The following THSD4 variants were observed in gnomAD, a reference collection of about 807,000 sequenced individuals.
THSD4 encodes thrombospondin type 1 domain containing 4.
In THSD4, 69 loss-of-function variants were observed where a neutral mutation model predicts 119.0. The ratio of observed to expected loss-of-function variants is 0.58; its 90% confidence interval spans 0.48 to 0.71. The LOEUF (loss-of-function observed/expected upper bound fraction) is 0.71, where lower values mean the gene tolerates loss of function less well. THSD4 is among the 30% of genes least tolerant of loss of function. The pLI, the probability that THSD4 is intolerant of heterozygous loss-of-function variation, is 0.00. For missense variants in THSD4, 1,393 were observed against 1,391.1 expected, an observed-to-expected ratio of 1.00 and a Z score of -0.02; for synonymous variants, 524 against 540.4, an observed-to-expected ratio of 0.97 and a Z score of 0.42.
At chr15:71,742,136 T>G (rs888414660) in intron 11 of THSD4, among the ~76,000 whole-genome samples, 1 of 152,242 alleles carries the variant, frequency 6.6e-6, no homozygotes, top group African/African-American at 2.4e-5. Flanking sequence ...ATTGTGTATT[T>G]TCTCACATAC....
At chr15:71,141,716 G>A (rs1259005506) in intron 2 of THSD4, among the ~76,000 whole-genome samples, 160 bp downstream of exon 2, 2 of 152,164 alleles carry the variant, frequency 1.3e-5, no homozygotes, top group African/African-American at 2.4e-5. Context: ...TATTCAGAAG[G>A]GCCTCCAAGG....
intron 3 of THSD4, 72 bp from the exon 4 acceptor site, chr15:71,214,963 A>G: frequency 8.2e-7 from 1 of 1,219,246 alleles, no homozygotes; most frequent in Non-Finnish European, 1.0e-6. Context: ...GGATAAGTCG[A>G]CCCTGCTCAA....
intron 6 of THSD4, chr15:71,341,092 C>T (rs1427378974): frequency 1.3e-5 from 15 of 1,126,274 alleles, no homozygotes; most frequent in Non-Finnish European, 1.4e-5. Context: ...TTTCTATTGT[C>T]TCTTCTGTCT....
In THSD4 at chr15:71,115,776, G is replaced by C. The variant is rs1207913090; in HGVS notation, c.-80+78G>C. 6.7e-6 allele frequency: 1 copy of C among 149,776 alleles called. No individual in the cohort carries two copies. The highest frequency in any genetic ancestry group is 1.9e-4 in the East Asian group (1 of 5,140). 9.3% of individuals were successfully genotyped at this position (149,776 alleles called of 1,614,324 possible). A position where few individuals can be genotyped will look rare whatever the true frequency, so the allele number is the denominator to read the frequency against. ...ACCCGGCTTCCGCTGCCCAGGCTCCGGCTCCCGCTCTCTGGCCGGCGGGGC... is the reference window on the plus strand; with the variant it reads ...ACCCGGCTTCCGCTGCCCAGGCTCCCGCTCCCGCTCTCTGGCCGGCGGGGC... On this transcript the variant is annotated intron_variant, in intron 1 of 17. Coordinates refer to ENST00000261862, the MANE Select transcript of THSD4 (RefSeq NM_024817.3). This position sits in a 1 kb window ranked among gnomAD's most constrained non-coding sequence, Gnocchi z 4.4.
intron 7 of THSD4, among the ~76,000 whole-genome samples, chr15:71,459,324 ATCTC>A (rs377346569): frequency 3.9e-5 from 4 of 101,276 alleles, no homozygotes; most frequent in Admixed American, 1.9e-4. Flanking sequence ...ATGCCCAACT[ATCTC>A]TCTCTCTCTG....
chr15:71,138,153 A>G (rs373326909), intron 1 of THSD4, among the ~76,000 whole-genome samples: 9 of 152,274 alleles, frequency 5.9e-5, no homozygotes, highest in Non-Finnish European at 1.2e-4. Context: ...ATAGTTCTGC[A>G]TGGCTGGGGA....
intron 7 of THSD4, among the ~76,000 whole-genome samples, chr15:71,518,705 TC>T (rs565410639): frequency 4.6e-5 from 7 of 152,166 alleles, no homozygotes; most frequent in Admixed American, 1.3e-4. Context: ...AATTTGAGTC[TC>T]AGAGAGGCGA....
At chr15:71,679,764 G>A (rs752666020) in intron 8 of THSD4, among the ~76,000 whole-genome samples, 1 of 152,196 alleles carries the variant, frequency 6.6e-6, no homozygotes, top group Admixed American at 6.5e-5. Flanking sequence ...TTGTGACAGG[G>A]TCCTGCCTCT....
chr15:71,557,457 C>G (rs1203753916), intron 7 of THSD4, among the ~76,000 whole-genome samples: 1 of 151,646 alleles, frequency 6.6e-6, no homozygotes, highest in Admixed American at 6.6e-5. Context: ...GTTTACTTTC[C>G]TGTTTTGCTA....
intron 6 of THSD4, among the ~76,000 whole-genome samples, chr15:71,375,884 C>G (rs2046129226): frequency 6.6e-6 from 1 of 152,158 alleles, no homozygotes; most frequent in Non-Finnish European, 1.5e-5. Flanking sequence ...TTAATAAACC[C>G]TCCAGGTGAT....
chr15:71,403,894 A>G (rs1441365), intron 6 of THSD4, among the ~76,000 whole-genome samples: 106,416 of 151,998 alleles, frequency 0.7, 38,269 homozygotes, highest in East Asian at 0.83. Context: ...GAAATCTTCT[A>G]TCTTCTGTTT....
chr15:71,243,246 T>G (rs2044170513), intron 5 of THSD4, 150 bp downstream of exon 5: 4 of 823,176 alleles, frequency 4.9e-6, no homozygotes, highest in Non-Finnish European at 7.4e-6. Flanking sequence ...TTGCTTTCCA[T>G]GTATTCTCCC....
chr15:71,540,135 CTTTT>C (rs35668266), intron 7 of THSD4, among the ~76,000 whole-genome samples: 11 of 95,126 alleles, frequency 1.2e-4, no homozygotes, highest in African/African-American at 3.2e-4. Context: ...ATTTTATTTA[CTTTT>C]TTTTTTTTTT....
intron 5 of THSD4, among the ~76,000 whole-genome samples, chr15:71,254,479 C>G (rs2044292514): frequency 6.6e-6 from 1 of 152,190 alleles, no homozygotes; most frequent in Non-Finnish European, 1.5e-5. Context: ...ACAGGCCACA[C>G]CAGAATCACC....
chr15:71,598,283 T>A (rs1247379007), intron 7 of THSD4, among the ~76,000 whole-genome samples: 1 of 152,164 alleles, frequency 6.6e-6, no homozygotes, highest in African/African-American at 2.4e-5. Flanking sequence ...CAGCCCATGA[T>A]ACATTTGAAG....
intron 3 of THSD4, among the ~76,000 whole-genome samples, chr15:71,189,660 ACTCCGT>A (rs1366960419): frequency 7.9e-6 from 1 of 125,930 alleles, no homozygotes; most frequent in Non-Finnish European, 1.8e-5. Flanking sequence ...ACAGAGCAAG[ACTCCGT>A]CTCAAAAAAA....
chr15:71,599,801 G>C (rs920414031), intron 7 of THSD4, among the ~76,000 whole-genome samples: 16 of 152,218 alleles, frequency 1.1e-4, no homozygotes, highest in African/African-American at 3.4e-4. Context: ...TCTCTGCATT[G>C]TGTGGAGAGG....
chr15:71,171,995 C>G (rs1416986875), intron 3 of THSD4, among the ~76,000 whole-genome samples: 1 of 152,050 alleles, frequency 6.6e-6, no homozygotes, highest in African/African-American at 2.4e-5. Context: ...ATCAAAGTGA[C>G]AAAATGAAGC....
intron 7 of THSD4, among the ~76,000 whole-genome samples, chr15:71,430,759 G>GA (rs397719477): frequency 0.57 from 47,337 of 82,832 alleles, 13,049 homozygotes; most frequent in Non-Finnish European, 0.6. Flanking sequence ...TCTGTCTCAA[G>GA]AAAAAAAAAA....
Sources: gnomAD v4.1 joint callset for allele counts (sites outside exome capture counted in the v4.1 genomes callset) on GRCh38, gnomAD v4.1.1 for gene constraint, Gnocchi (gnomAD v3.1) non-coding constraint, MANE v1.5 for transcripts, NCBI Gene and HGNC (gene_info 2026-07-23, HGNC 2026-07-21) for gene names.